Variants in RBPMS observed in about 807,000 individuals in gnomAD.
RBPMS encodes RNA binding protein, mRNA processing factor, also known as RNA-binding protein with multiple splicing.
Under a neutral mutation model 26.8 loss-of-function variants are expected in RBPMS, and 7 were observed. That is an observed-to-expected ratio of 0.26 (90% confidence interval 0.15 to 0.49). The LOEUF (loss-of-function observed/expected upper bound fraction) is 0.49. Among genes scored for constraint, RBPMS ranks in the 20% least tolerant of loss-of-function variants. The pLI, the probability that RBPMS is intolerant of heterozygous loss-of-function variation, is 0.98. For synonymous variants in RBPMS, 96 were observed against 93.3 expected, an observed-to-expected ratio of 1.03 and a Z score of -0.17; for missense variants, 186 against 250.0, an observed-to-expected ratio of 0.74 and a Z score of 1.73.
At position 30,572,049 on chromosome 8, in the gene RBPMS, G is replaced by T. The variant is rs1828274458; in HGVS notation, c.*1524G>T. Reference sequence around the variant, plus strand: ...GGGCTCTTTCTTACCGTAAATAAGGGGAAAAGGCAGTTAGCTCAAGGACTT... The same window carrying T: ...GGGCTCTTTCTTACCGTAAATAAGGTGAAAAGGCAGTTAGCTCAAGGACTT... On this transcript the variant is annotated 3_prime_UTR_variant, in exon 9 of 9. Transcript: ENST00000397323. 1 of 152,188 alleles carries T rather than the reference G, an allele frequency of 6.6e-6. No homozygotes were observed. Among genetic ancestry groups the T allele is most frequent in the Non-Finnish European group, 1.5e-5 (1 of 68,040 alleles). The allele number at this position is 152,188 out of a possible 1,614,324, so 9.4% of individuals were successfully genotyped here.
intron 1 of RBPMS, among the ~76,000 whole-genome samples, chr8:30,454,003 A>T (rs1245378389): frequency 2.0e-5 from 3 of 152,218 alleles, no homozygotes; most frequent in Non-Finnish European, 2.9e-5. Context: ...GTTAACAGAC[A>T]TCCTGGACAT....
chr8:30,428,331 A>G (rs922275222), intron 1 of RBPMS, among the ~76,000 whole-genome samples: 4 of 151,886 alleles, frequency 2.6e-5, no homozygotes, highest in African/African-American at 4.8e-5. Context: ...ATGGGACCCC[A>G]TGTAGTCCCA....
chr8:30,528,623 A>G (rs563572552), intron 5 of RBPMS, among the ~76,000 whole-genome samples: 4 of 152,308 alleles, frequency 2.6e-5, no homozygotes, highest in Admixed American at 2.0e-4. Flanking sequence ...TCTGTTAAAC[A>G]CGTTATATTC....
At position 30,549,631 on chromosome 8, in the gene RBPMS, G is replaced by A. The variant is rs200308756; in HGVS notation, c.528+5007G>A. The A allele has an allele frequency of 9.5e-5, 139 of 1,468,410 alleles. No individual in the cohort carries two copies. In the Middle Eastern group the frequency reaches 1.2e-3, roughly 13 times the overall value. The allele number at this position is 1,468,410 out of a possible 1,614,324, so 91.0% of individuals were successfully genotyped here. ...CTGGCTTAGCTCTCACAGGAGGAGGGGCGGACGGGGAGGCCAGGCCTCATG... is the reference window on the plus strand; with the variant it reads ...CTGGCTTAGCTCTCACAGGAGGAGGAGCGGACGGGGAGGCCAGGCCTCATG... On this transcript the variant is annotated intron_variant, in intron 6 of 8. Transcript: ENST00000397323.
In RBPMS at chr8:30,457,088, C is replaced by T. The variant is rs1815306649; in HGVS notation, c.67-17691C>T. 2.0e-5 allele frequency among the ~76,000 whole-genome samples: 3 copies of T among 152,310 alleles called. No individual in the cohort carries two copies. In the South Asian group the frequency reaches 6.2e-4, roughly 32 times the overall value. ...TGCCTGTGTTCTGGCCAATGCTGGC[C>T]TGTCATACCAGGTTCCAAAGATCAC... On this transcript the variant is annotated intron_variant, in intron 1 of 8. Transcript: ENST00000397323.
At chr8:30,496,431 G>A (rs1457600593) in intron 4 of RBPMS, among the ~76,000 whole-genome samples, 2 of 152,104 alleles carry the variant, frequency 1.3e-5, no homozygotes, top group Admixed American at 6.6e-5. Flanking sequence ...GCCTCCCAAA[G>A]TGGTGGGATT....
intron 6 of RBPMS, chr8:30,545,316 A>G (rs1440869282): frequency 8.5e-7 from 1 of 1,170,034 alleles, no homozygotes; most frequent in Non-Finnish European, 1.1e-6. Context: ...ATTACTGTCT[A>G]CATACTAACA....
intron 1 of RBPMS, among the ~76,000 whole-genome samples, chr8:30,414,967 G>A (rs1489678149): frequency 6.6e-6 from 1 of 151,734 alleles, no homozygotes; most frequent in Non-Finnish European, 1.5e-5. Context: ...TTGGCACTCC[G>A]TCCTGCCTCT....
At chr8:30,552,114 A>C (rs1346452556) in intron 6 of RBPMS, among the ~76,000 whole-genome samples, 1 of 152,096 alleles carries the variant, frequency 6.6e-6, no homozygotes, top group Non-Finnish European at 1.5e-5. Flanking sequence ...TGCTTTGGTA[A>C]AGAAGAGAAA....
intron 1 of RBPMS, among the ~76,000 whole-genome samples, chr8:30,415,541 T>C (rs1809961749): frequency 1.3e-5 from 2 of 152,222 alleles, no homozygotes; most frequent in African/African-American, 4.8e-5. Context: ...TGATAATGCA[T>C]CATCTCTTTC....
intron 5 of RBPMS, among the ~76,000 whole-genome samples, chr8:30,508,660 TG>T (rs1821297285): frequency 6.6e-6 from 1 of 152,290 alleles, no homozygotes; most frequent in Middle Eastern, 3.4e-3. Flanking sequence ...TTTATTTTTA[TG>T]TTTTTTTCAA....
intron 5 of RBPMS, among the ~76,000 whole-genome samples, chr8:30,519,102 T>C (rs933359440): frequency 1.3e-5 from 2 of 152,174 alleles, no homozygotes; most frequent in African/African-American, 4.8e-5. Flanking sequence ...AATCAGTATC[T>C]TCTTGGCAGG....
intron 5 of RBPMS, among the ~76,000 whole-genome samples, chr8:30,507,452 A>G (rs181966321): frequency 2.0e-5 from 3 of 152,280 alleles, no homozygotes; most frequent in Non-Finnish European, 4.4e-5. Context: ...TTTCTTTCCT[A>G]ATAGTTACAG....
chr8:30,434,094 G>A (rs1323197266), intron 1 of RBPMS, among the ~76,000 whole-genome samples: 1 of 149,896 alleles, frequency 6.7e-6, no homozygotes, highest in African/African-American at 2.5e-5. Flanking sequence ...TCCAGCCTGG[G>A]TAACAGAGCG....
intron 1 of RBPMS, among the ~76,000 whole-genome samples, chr8:30,455,218 C>T (rs1210648724): frequency 6.6e-6 from 1 of 152,082 alleles, no homozygotes; most frequent in East Asian, 1.9e-4. Flanking sequence ...AAACTAAATT[C>T]CTGACCATTT....
At chr8:30,555,496 G>A (rs1826784897) in intron 6 of RBPMS, among the ~76,000 whole-genome samples, 2 of 152,126 alleles carry the variant, frequency 1.3e-5, no homozygotes, top group South Asian at 2.1e-4. Context: ...TTTCTCACAG[G>A]GTCTTGAGAA....
chr8:30,509,565 C>G (rs1490544317), intron 5 of RBPMS, among the ~76,000 whole-genome samples: 1 of 152,220 alleles, frequency 6.6e-6, no homozygotes, highest in South Asian at 2.1e-4. Flanking sequence ...ACAAGGTCAT[C>G]CAGGGCCTAT....
At chr8:30,447,789 C>A (rs1814050114) in intron 1 of RBPMS, among the ~76,000 whole-genome samples, 1 of 151,848 alleles carries the variant, frequency 6.6e-6, no homozygotes, top group Non-Finnish European at 1.5e-5. Context: ...AGCAATGAAT[C>A]TTAGACTTTA....
At chr8:30,388,407 TTATAGC>T (rs201730834) in intron 1 of RBPMS, among the ~76,000 whole-genome samples, 2 of 149,648 alleles carry the variant, frequency 1.3e-5, no homozygotes, top group East Asian at 2.0e-4. Context: ...AGCTTATAAC[TTATAGC>T]TATAGCTATA....
Sources: allele counts gnomAD v4.1 joint callset (sites outside exome capture counted in the v4.1 genomes callset), GRCh38; gene constraint gnomAD v4.1.1; transcripts MANE v1.5; gene names NCBI Gene and HGNC (gene_info 2026-07-23, HGNC 2026-07-21).